The following SHISA4 variants were observed in gnomAD, a reference collection of about 807,000 sequenced individuals.
SHISA4 encodes shisa family member 4.
Under a neutral mutation model 24.2 loss-of-function variants are expected in SHISA4, and 16 were observed. That is an observed-to-expected ratio of 0.66 (90% CI 0.45 to 1.00). The LOEUF is 1.00. Among genes scored for constraint, SHISA4 ranks in the 50% least tolerant of loss-of-function variants. The pLI, the probability that SHISA4 is intolerant of heterozygous loss-of-function variation, is 0.00. For synonymous variants in SHISA4, 106 were observed against 105.4 expected (o/e 1.01, Z -0.04); for missense variants, 238 against 258.9 (o/e 0.92, Z 0.55).
In SHISA4 at chr1:201,891,501, C is replaced by G. The variant is rs961602433; in HGVS notation, c.480C>G (p.Tyr160Ter). ...GPAPPQPGFI[Y>*]PPSGPAPQYP... Reference sequence around the variant, plus strand: ...CACCCCCACAGCCTGGCTTCATATACCCACCTAGTGGTCCTGCTCCCCAAT... The same window carrying G: ...CACCCCCACAGCCTGGCTTCATATAGCCACCTAGTGGTCCTGCTCCCCAAT... Residue 160 changes from tyrosine (Y) to a stop codon, truncating the protein, a stop_gained, in exon 4 of 5, where the codon TAC becomes TAG. Transcript: ENST00000362011. LOFTEE classifies it high-confidence loss of function. 7 of 1,613,702 alleles carry G rather than the reference C, an allele frequency of 4.3e-6. No homozygotes were observed. Among genetic ancestry groups the G allele is most frequent in the Non-Finnish European group, 5.1e-6 (6 of 1,179,862 alleles).
chr1:201,891,398 T>C lies in SHISA4; in HGVS notation c.380-3T>C, dbSNP rs1164011482. 7 of 1,613,756 alleles carry C rather than the reference T, an allele frequency of 4.3e-6. No individual in the cohort carries two copies. The African/African-American group carries it at 9.4e-5, about 22-fold the overall frequency. ...TGAATGCTGATCCTTCTCCCCCATC[T>C]AGGCCAGGAGATTCCAATGACAGGC... On this transcript the variant is annotated splice_region_variant and splice_polypyrimidine_tract_variant and intron_variant, in intron 3 of 4. Coordinates refer to ENST00000362011, the MANE Select transcript of SHISA4 (RefSeq NM_198149.3).
At chr1:201,889,262 G>A in intron 1 of SHISA4, 183 bp from the exon 2 acceptor site, 1 of 941,104 alleles carries the variant, frequency 1.1e-6, no homozygotes, top group Non-Finnish European at 1.6e-6. Context: ...ATCCCGGGGT[G>A]CAGGGTCAGC....
At chr1:201,891,726 C>T in intron 4 of SHISA4, 74 bp from the exon 5 acceptor site, 1 of 1,583,402 alleles carries the variant, frequency 6.3e-7, no homozygotes, top group Non-Finnish European at 8.7e-7. Flanking sequence ...GTCCTGTCTG[C>T]CCCGGGGGCA....
In SHISA4 at chr1:201,889,015, C is replaced by A; in HGVS notation, c.21C>A (p.Arg7=). The stretch of plus-strand genomic sequence containing the variant: ...CCACCATGCCACCCGCGGGGCTCCG[C>A]CGGGCCGCGCCGCTCACCGCAATCG... MPPAGL[R]RAAPLTAIAL... Residue 7 remains arginine, a synonymous_variant, in exon 1 of 5, where the codon CGC becomes CGA. Coordinates refer to ENST00000362011, the MANE Select transcript of SHISA4 (RefSeq NM_198149.3). 7.2e-7 allele frequency: 1 copy of A among 1,381,308 alleles called. No homozygotes were observed. The highest frequency in any genetic ancestry group is 1.8e-5 in the South Asian group (1 of 55,846). 85.6% of individuals were successfully genotyped at this position (1,381,308 alleles called of 1,614,324 possible).
intron 4 of SHISA4, 94 bp downstream of exon 4, chr1:201,891,662 C>T: frequency 6.5e-7 from 1 of 1,534,476 alleles, no homozygotes; most frequent in Non-Finnish European, 9.0e-7. Flanking sequence ...GATTCCCTCT[C>T]CCAGACTTCC....
At chr1:201,888,848 C>T, upstream of SHISA4, 1 of 442,562 alleles carries the variant, frequency 2.3e-6, no homozygotes, top group South Asian at 9.9e-5. Context: ...TTAGCGCGGG[C>T]GGGGCGCTTA....
chr1:201,888,825 C>G, upstream of SHISA4: 1 of 401,192 alleles, frequency 2.5e-6, no homozygotes, highest in South Asian at 1.2e-4. Flanking sequence ...TGCGCGGAGC[C>G]GCGCCGGCTG....
chr1:201,888,965 G>T lies in SHISA4; in HGVS notation c.-30G>T. 2 of 1,371,780 alleles carry T rather than the reference G, an allele frequency of 1.5e-6. No homozygotes were observed. Among genetic ancestry groups the T allele is most frequent in the Non-Finnish European group, 1.9e-6 (2 of 1,059,036 alleles). The allele number at this position is 1,371,780 out of a possible 1,614,324, so 85.0% of individuals were successfully genotyped here. On this transcript the variant is annotated 5_prime_UTR_variant, in exon 1 of 5. Transcript: ENST00000362011. The stretch of plus-strand genomic sequence containing the variant: ...GGTCCTGCGGTCCCTTCTCTGGGAG[G>T]CCCGACCCCGGCCGCGCCCAGCCCC...
In SHISA4 at chr1:201,889,559, G is replaced by GC. The variant is rs1411638378; in HGVS notation, c.189dup (p.Arg64GlnfsTer63). On this transcript the variant is annotated frameshift_variant, in exon 2 of 5. Transcript: ENST00000362011. LOFTEE classifies it high-confidence loss of function. ...GGGACCTGCTACCATCGGTACTGCT[G>GC]CAGGGACCTGACCTTGCTTATCACC... is the stretch of plus-strand genomic sequence containing the variant. 1.2e-6 allele frequency: 2 copies of GC among 1,614,060 alleles called. No homozygotes were observed. Among genetic ancestry groups the GC allele is most frequent in the Non-Finnish European group, 1.7e-6 (2 of 1,180,024 alleles).
Position 201,892,174 on chromosome 1 carries a change from C to A in SHISA4, c.*328C>A. 7.1e-6 allele frequency: 2 copies of A among 282,074 alleles called. No individual in the cohort carries two copies. The highest frequency in any genetic ancestry group is 1.3e-5 in the Non-Finnish European group (2 of 157,112). The allele number at this position is 282,074 out of a possible 1,614,324, so 17.5% of individuals were successfully genotyped here. ...CCCAGCCAGGAAGGCTGGGGCCCTA[C>A]TGTTTGTCCCCTCTGGGCTGGGGTG... On this transcript the variant is annotated 3_prime_UTR_variant, in exon 5 of 5. Coordinates refer to ENST00000362011, the MANE Select transcript of SHISA4 (RefSeq NM_198149.3).
rs867436400 is a variant in SHISA4, at chr1:201,890,476, G to A, written c.268G>A (p.Ala90Thr). 12 of 1,614,106 alleles carry A rather than the reference G, an allele frequency of 7.4e-6. No individual in the cohort carries two copies. The highest frequency in any genetic ancestry group is 2.2e-5 in the South Asian group (2 of 91,088). Residue 90 changes from alanine to threonine, a missense_variant, in exon 3 of 5, where the codon GCC becomes ACC. Ala to Thr is a moderately conservative substitution (Grantham distance 58). Transcript: ENST00000362011. ...AAGCCCCAAGACCATAGCAGGCATCGCCTCAGCTGTGATCCTCTTTGTTGC... is the reference window on the plus strand; with the variant it reads ...AAGCCCCAAGACCATAGCAGGCATCACCTCAGCTGTGATCCTCTTTGTTGC... Reference protein sequence around the residue: ...AFSPKTIAGIASAVILFVAVV... With the variant: ...AFSPKTIAGITSAVILFVAVV...
At chr1:201,890,366 C>G in intron 2 of SHISA4, 88 bp from the exon 3 acceptor site, 1 of 1,531,344 alleles carries the variant, frequency 6.5e-7, no homozygotes, top group South Asian at 1.2e-5. Flanking sequence ...TGCCATGGCC[C>G]CCCTGCTGGC....
intron 2 of SHISA4, among the ~76,000 whole-genome samples, chr1:201,890,244 T>C (rs1209179738): frequency 2.6e-5 from 4 of 152,192 alleles, no homozygotes; most frequent in African/African-American, 4.8e-5. Flanking sequence ...CAAATCCCCG[T>C]ATGCTTCACA....
Position 201,891,587 on chromosome 1 carries a change from G to T in SHISA4, c.547+19G>T. The stretch of plus-strand genomic sequence containing the variant: ...CCTGCAGGTAAGTAAGCAATCTGGA[G>T]CCCCTTGCTGCTGCCTTCCCCCACC... On this transcript the variant is annotated intron_variant, in intron 4 of 4. Coordinates refer to ENST00000362011, the MANE Select transcript of SHISA4 (RefSeq NM_198149.3). 6.3e-7 allele frequency: 1 copy of T among 1,595,298 alleles called. No homozygotes were observed. Among genetic ancestry groups the T allele is most frequent in the African/African-American group, 1.3e-5 (1 of 74,662 alleles).
chr1:201,890,000 C>T (rs542068296), intron 2 of SHISA4, among the ~76,000 whole-genome samples: 2 of 152,294 alleles, frequency 1.3e-5, no homozygotes, highest in South Asian at 4.1e-4. Flanking sequence ...CCACTTCTTA[C>T]TAGCTGTGTG....
Position 201,888,982 on chromosome 1 carries a change from C to A in SHISA4, c.-13C>A. ...TCTGGGAGGCCCGACCCCGGCCGCG[C>A]CCAGCCCCCACCATGCCACCCGCGG... On this transcript the variant is annotated 5_prime_UTR_variant, in exon 1 of 5. Coordinates refer to ENST00000362011, the MANE Select transcript of SHISA4 (RefSeq NM_198149.3). 1 of 1,389,304 alleles carries A rather than the reference C, an allele frequency of 7.2e-7. No individual in the cohort carries two copies. Among genetic ancestry groups the A allele is most frequent in the Non-Finnish European group, 9.3e-7 (1 of 1,069,922 alleles). The allele number at this position is 1,389,304 out of a possible 1,614,324, so 86.1% of individuals were successfully genotyped here.
intron 2 of SHISA4, 78 bp downstream of exon 2, chr1:201,889,694 C>G: frequency 6.6e-7 from 1 of 1,521,320 alleles, no homozygotes; most frequent in Admixed American, 1.7e-5. Context: ...CTCCCGGACT[C>G]CTGCCTCCTC....
chr1:201,889,988 G>T (rs1681063087), intron 2 of SHISA4, among the ~76,000 whole-genome samples: 1 of 152,130 alleles, frequency 6.6e-6, no homozygotes, highest in African/African-American at 2.4e-5. Flanking sequence ...TGATTCCCAG[G>T]TCCACTTCTT....
At position 201,891,445 on chromosome 1, in the gene SHISA4, C is replaced by G; in HGVS notation, c.424C>G (p.Pro142Ala). 6.2e-7 allele frequency: 1 copy of G among 1,613,886 alleles called. No individual in the cohort carries two copies. The highest frequency in any genetic ancestry group is 8.5e-7 in the Non-Finnish European group (1 of 1,179,916). Reference sequence around the variant, plus strand: ...AGGCATCCCAGTGCAGCCAGTATACCCATACCCCCAGGACCCCAAAGCTGG... The same window carrying G: ...AGGCATCCCAGTGCAGCCAGTATACGCATACCCCCAGGACCCCAAAGCTGG... ...MTGIPVQPVY[P>A]YPQDPKAGPA... The change falls in exon 4 of 5, where the codon CCA (proline) becomes GCA (alanine). Residue 142 changes from proline (P) to alanine (A), a missense_variant. By Grantham distance (27) the Pro-to-Ala change is conservative. Coordinates refer to ENST00000362011, the MANE Select transcript of SHISA4 (RefSeq NM_198149.3).
Sources: gnomAD v4.1 joint callset for allele counts (sites outside exome capture counted in the v4.1 genomes callset) on GRCh38, gnomAD v4.1.1 for gene constraint, MANE v1.5 for transcripts, NCBI Gene and HGNC (gene_info 2026-07-23, HGNC 2026-07-21) for gene names.